The following SCRIB variants were observed in gnomAD, a reference collection of about 807,000 sequenced individuals.
The protein encoded by SCRIB is protein scribble homolog.
In SCRIB, 72 loss-of-function variants were observed where a neutral mutation model predicts 170.0. The observed-to-expected ratio is 0.42, with a 90% confidence interval of 0.35 to 0.52. SCRIB has a LOEUF of 0.52. SCRIB is among the 20% of genes least tolerant of loss of function. The probability of loss-of-function intolerance (pLI) is 0.02; values close to 1 mark genes in which losing one functional copy is unlikely to be tolerated. For missense variants in SCRIB, 2,475 were observed against 2,338.5 expected (o/e 1.06, Z -1.20); for synonymous variants, 1,298 against 1,044.3 (o/e 1.24, Z -4.68).
chr8:143,791,641 A>G, intron 35 of SCRIB, 25 bp downstream of exon 35: 1 of 1,589,620 alleles, frequency 6.3e-7, no homozygotes, highest in East Asian at 2.2e-5. Flanking sequence ...GGTGGCAGGC[A>G]TGCAGAGGCC....
chr8:143,795,154 TGGCAGCACCCG>T, intron 26 of SCRIB, 42 bp from the exon 27 acceptor site: 1 of 1,602,314 alleles, frequency 6.2e-7, no homozygotes, highest in Non-Finnish European at 8.5e-7. Context: ...GGTAGCTCCG[TGGCAGCACCCG>T]GCCAGCACAG....
At chr8:143,809,779 G>A (rs992307326) in intron 13 of SCRIB, 61 bp from the exon 14 acceptor site, 14 of 1,571,060 alleles carry the variant, frequency 8.9e-6, no homozygotes, top group Non-Finnish European at 3.5e-6. Context: ...TGGCCACCTG[G>A]GATGCCCCCC....
Position 143,812,263 on chromosome 8 carries a change from T to C in SCRIB, c.906+3A>G, listed in dbSNP as rs1393608748. ...CCTTTCTGCCTCCCAAGCCAGACCC[T>C]ACCATCAGCAGGTTCTCCGTGAGGA... On this transcript the variant is annotated splice_donor_region_variant and intron_variant, in intron 9 of 36. Transcript: ENST00000356994. 3 of 1,591,068 alleles carry C rather than the reference T, an allele frequency of 1.9e-6. No individual in the cohort carries two copies. Among genetic ancestry groups the C allele is most frequent in the South Asian group, 2.2e-5 (2 of 90,594 alleles).
In SCRIB at chr8:143,812,912, C is replaced by A; in HGVS notation, c.692G>T (p.Arg231Leu). The A allele has an allele frequency of 6.2e-7, 1 of 1,612,298 alleles. No individual in the cohort carries two copies. The highest frequency in any genetic ancestry group is 8.5e-7 in the Non-Finnish European group (1 of 1,179,894). Residue 231 changes from arginine to leucine, a missense_variant, in exon 8 of 37, where the codon CGG (arginine) becomes CTG (leucine). Physicochemically the swap from Arg to Leu is moderately radical, Grantham distance 102. Around this residue, in one of 3 missense-constraint regions of SCRIB, gnomAD observed 487 missense variants for 558.1 expected, o/e 0.87. Coordinates refer to ENST00000356994, the MANE Select transcript of SCRIB (RefSeq NM_182706.5). ...GAGCTCAGCAGGCAGCTCCTCCAGCCGGTTTTCCGACACGTCCAGGCACAC... is the reference window on the plus strand; with the variant it reads ...GAGCTCAGCAGGCAGCTCCTCCAGCAGGTTTTCCGACACGTCCAGGCACAC... ...RLVCLDVSEN[R>L]LEELPAELGG...
At position 143,792,011 on chromosome 8, in the gene SCRIB, G is replaced by A. The variant is rs782756074; in HGVS notation, c.4637C>T (p.Pro1546Leu). Residue 1546 changes from proline (P) to leucine (L), a missense_variant, in exon 33 of 37, where the codon CCG (proline) becomes CTG (leucine). This residue lies in a region of SCRIB where 1,966 missense variants were observed against 1,742.9 expected (regional missense o/e 1.13). Coordinates refer to ENST00000356994, the MANE Select transcript of SCRIB (RefSeq NM_182706.5). ...CAGACCTTCCACAGGGGTGGGCGAC[G>A]GGGTGGGCGCAGGGGAAGGGGCCTC... ...LAEAPSPAPT[P>L]SPTPVEDLGP... 7.8e-6 allele frequency: 12 copies of A among 1,540,022 alleles called. No individual in the cohort carries two copies. The highest frequency in any genetic ancestry group is 4.1e-5 in the African/African-American group (3 of 72,838).
chr8:143,806,872 T>G, intron 17 of SCRIB, 52 bp downstream of exon 17: 1 of 1,275,134 alleles, frequency 7.8e-7, no homozygotes, highest in South Asian at 1.3e-5. Flanking sequence ...CAGTGTGAAC[T>G]GTGGTGGGGC....
chr8:143,792,733 G>A lies in SCRIB; in HGVS notation c.4152C>T (p.Asp1384=). 1.3e-6 allele frequency: 2 copies of A among 1,590,764 alleles called. No homozygotes were observed. Among genetic ancestry groups the A allele is most frequent in the Non-Finnish European group, 1.7e-6 (2 of 1,173,080 alleles). ...CTTCCTCCTCCTGCATCTTCCGCAGGTCGTCAGCACCCACCAGGGACACGC... is the reference window on the plus strand; with the variant it reads ...CTTCCTCCTCCTGCATCTTCCGCAGATCGTCAGCACCCACCAGGGACACGC... ...PKRVSLVGAD[D]LRKMQEEEAR... Residue 1384 remains aspartate, a synonymous_variant, in exon 30 of 37, where the codon GAC becomes GAT. Transcript: ENST00000356994.
In SCRIB at chr8:143,792,807, ACTT is replaced by A; in HGVS notation, c.4075_4077del (p.Lys1359del). On this transcript the variant is annotated inframe_deletion, in exon 30 of 37. Transcript: ENST00000356994. ...GGCACGCGCACCTCCAGCTCAAAGT[ACTT>A]CTGCCGCTCCCGGAAGGACAGCTGC... is the stretch of plus-strand genomic sequence containing the variant. 2 of 1,558,964 alleles carry A rather than the reference ACTT, an allele frequency of 1.3e-6. No individual in the cohort carries two copies. Among genetic ancestry groups the A allele is most frequent in the Non-Finnish European group, 1.7e-6 (2 of 1,154,108 alleles).
rs774556427 is a variant in SCRIB at position 143,810,687 on chromosome 8, C to T, written c.1403G>A (p.Arg468Gln). 5.6e-6 allele frequency: 9 copies of T among 1,602,704 alleles called. No homozygotes were observed. Among genetic ancestry groups the T allele is most frequent in the East Asian group, 2.2e-5 (1 of 44,636 alleles). ...CCCCCCAGATCCTCACCCTCATACC[C>T]GCTTCTCAGCTGCAGCTTCCTCAGC... is the stretch of plus-strand genomic sequence containing the variant. ...EDAEEAAAEK[R>Q]GLQRRATPHP... Residue 468 changes from arginine (R) to glutamine (Q), a missense_variant and splice_region_variant, in exon 12 of 37, where the codon CGG becomes CAG. Arg to Gln is a conservative substitution (Grantham distance 43, BLOSUM62 1). This residue lies in a region of SCRIB where 1,966 missense variants were observed against 1,742.9 expected (regional missense o/e 1.13). Coordinates refer to ENST00000356994, the MANE Select transcript of SCRIB (RefSeq NM_182706.5).
Position 143,808,972 on chromosome 8 carries a change from G to T in SCRIB, c.1752C>A (p.Ile584=), listed in dbSNP as rs950639842. The change falls in exon 15 of 37, where the codon ATC becomes ATA. Residue 584 remains isoleucine, a synonymous_variant. Transcript: ENST00000356994. ...AGGGGGCCTCAGGCTGCCCCTCCTC[G>T]ATCTCCCTGTCATCCCCGGGCAGCA... The part of the protein sequence containing the change: ...DALLPGDDRE[I]EEGQPEAPWT... 2 of 1,613,106 alleles carry T rather than the reference G, an allele frequency of 1.2e-6. No homozygotes were observed. Among genetic ancestry groups the T allele is most frequent in the Non-Finnish European group, 1.7e-6 (2 of 1,179,974 alleles).
At chr8:143,795,173 CA>C in intron 26 of SCRIB, 61 bp from the exon 27 acceptor site, 1 of 1,600,696 alleles carries the variant, frequency 6.2e-7, no homozygotes, top group Non-Finnish European at 8.5e-7. Flanking sequence ...CCGGCCAGCA[CA>C]GGGCAGGAGA....
At position 143,792,475 on chromosome 8, in the gene SCRIB, G is replaced by C. The variant is rs374278699; in HGVS notation, c.4328+10C>G. 6.5e-7 allele frequency: 1 copy of C among 1,530,028 alleles called. No individual in the cohort carries two copies. The highest frequency in any genetic ancestry group is 1.2e-5 in the South Asian group (1 of 81,078). The allele number at this position is 1,530,028 out of a possible 1,614,324, so 94.8% of individuals were successfully genotyped here. A position where few individuals can be genotyped will look rare whatever the true frequency, so the allele number is the denominator to read the frequency against. Reference sequence around the variant, plus strand: ...GGTGAGTAGGGGGCGTCTGGTGGGCGGGTGCTCACCTTGAGGTGGGGCTCG... The same window carrying C: ...GGTGAGTAGGGGGCGTCTGGTGGGCCGGTGCTCACCTTGAGGTGGGGCTCG... On this transcript the variant is annotated intron_variant, in intron 31 of 36. Transcript: ENST00000356994.
In SCRIB at chr8:143,815,433, G is replaced by T; in HGVS notation, c.-61C>A. On this transcript the variant is annotated 5_prime_UTR_variant, in exon 1 of 37. Transcript: ENST00000356994. ...CTCGGCGGGCTCGGGGCCGGGGGGC[G>T]GGGCTCAGTCCGCATGGGCGCCGCG... The T allele has an allele frequency of 8.3e-7, 1 of 1,206,718 alleles. No individual in the cohort carries two copies. Among genetic ancestry groups the T allele is most frequent in the Non-Finnish European group, 1.0e-6 (1 of 970,040 alleles). The allele number at this position is 1,206,718 out of a possible 1,614,324, so 74.8% of individuals were successfully genotyped here.
chr8:143,805,495 C>G, intron 18 of SCRIB, 60 bp from the exon 19 acceptor site: 1 of 1,408,562 alleles, frequency 7.1e-7, no homozygotes, highest in Non-Finnish European at 9.3e-7. Flanking sequence ...CAGCCACGTG[C>G]TGGGGGCTCC....
In SCRIB at chr8:143,792,091, G is replaced by T; in HGVS notation, c.4557C>A (p.Val1519=). Residue 1519 remains valine, a synonymous_variant, in exon 33 of 37, where the codon GTC becomes GTA. Coordinates refer to ENST00000356994, the MANE Select transcript of SCRIB (RefSeq NM_182706.5). The stretch of plus-strand genomic sequence containing the variant: ...CCCGGCCTTCCTGGGACCTGCTGAG[G>T]ACCATCTGTGCTCGGAGAGCGTCCT... ...LEQDALRAQM[V]LSRSQEGRGT... 6.3e-7 allele frequency: 1 copy of T among 1,593,008 alleles called. No individual in the cohort carries two copies.
chr8:143,804,561 GTC>G lies in SCRIB; in HGVS notation c.3009+5_3009+6del, dbSNP rs1236452904. ...GGTGGGTGCCTGGGTGGGGGCTTGTGTCTCACCTCCACTGGGTATGGCCCTTC... is the reference window on the plus strand; with the variant it reads ...GGTGGGTGCCTGGGTGGGGGCTTGTGTCACCTCCACTGGGTATGGCCCTTC... On this transcript the variant is annotated splice_donor_5th_base_variant and intron_variant, in intron 21 of 36. Coordinates refer to ENST00000356994, the MANE Select transcript of SCRIB (RefSeq NM_182706.5). The G allele has an allele frequency of 6.7e-7, 1 of 1,493,948 alleles. No homozygotes were observed. The highest frequency in any genetic ancestry group is 2.3e-5 in the East Asian group (1 of 43,460). The allele number at this position is 1,493,948 out of a possible 1,614,324, so 92.5% of individuals were successfully genotyped here.
At chr8:143,804,023 A>T (rs376377616) in intron 22 of SCRIB, 23 bp downstream of exon 22, 5 of 1,589,578 alleles carry the variant, frequency 3.1e-6, no homozygotes, top group Non-Finnish European at 4.3e-6. Context: ...CTCTCACAGA[A>T]CCGCCTGGAT....
Position 143,815,761 on chromosome 8 carries a change from G to A in SCRIB, c.-389C>T, listed in dbSNP as rs1283476041. On this transcript the variant is annotated 5_prime_UTR_variant, in exon 1 of 37. Coordinates refer to ENST00000356994, the MANE Select transcript of SCRIB (RefSeq NM_182706.5). ...CACCCGGCCGCCGCGCAGCCCGTCG[G>A]GAAGCCGAGTCCGGCCCTCGCCGCC... 1 of 984,078 alleles carries A rather than the reference G, an allele frequency of 1.0e-6. No homozygotes were observed. The highest frequency in any genetic ancestry group is 1.2e-6 in the Non-Finnish European group (1 of 829,534). 61.0% of individuals were successfully genotyped at this position (984,078 alleles called of 1,614,324 possible).
intron 1 of SCRIB, among the ~76,000 whole-genome samples, chr8:143,814,634 T>C (rs1815956563): frequency 6.6e-6 from 1 of 152,204 alleles, no homozygotes; most frequent in Non-Finnish European, 1.5e-5. Flanking sequence ...TCACATTCTT[T>C]GGGACACCCA....
Sources: allele counts gnomAD v4.1 joint callset (sites outside exome capture counted in the v4.1 genomes callset), GRCh38; gene constraint gnomAD v4.1.1; regional missense constraint gnomAD v4.1.1; transcripts MANE v1.5; gene names NCBI Gene and HGNC (gene_info 2026-07-23, HGNC 2026-07-21).